FRA10AC1: variants seen among roughly 807,000 people sequenced by gnomAD.
FRA10AC1 encodes protein FRA10AC1.
Under a neutral mutation model 56.5 loss-of-function variants are expected in FRA10AC1, and 43 were observed. The observed-to-expected ratio is 0.76, with a 90% confidence interval of 0.60 to 0.98. FRA10AC1 has a LOEUF of 0.98. Ranked by LOEUF, FRA10AC1 falls within the 50% of genes least tolerant of loss-of-function variation. The pLI is 0.00. For missense variants in FRA10AC1, 346 were observed against 351.8 expected (o/e 0.98, Z 0.13); for synonymous variants, 112 against 110.5 (o/e 1.01, Z -0.09).
At chr10:93,687,585 A>G (rs887809900) in intron 7 of FRA10AC1, 136 bp from the exon 8 acceptor site, 58 of 829,478 alleles carry the variant, frequency 7.0e-5, no homozygotes, top group Non-Finnish European at 1.0e-4. Flanking sequence ...CTCTTCTTAT[A>G]GGATTTGAAG....
chr10:93,678,512 A>G (rs1286517063), intron 11 of FRA10AC1, among the ~76,000 whole-genome samples: 1 of 152,200 alleles, frequency 6.6e-6, no homozygotes, highest in Non-Finnish European at 1.5e-5. Context: ...GCTAAATGTA[A>G]GACTGAGAAG....
chr10:93,687,071 A>G (rs1481243121), intron 8 of FRA10AC1, among the ~76,000 whole-genome samples: 1 of 151,922 alleles, frequency 6.6e-6, no homozygotes, highest in Non-Finnish European at 1.5e-5. Flanking sequence ...TCATTATTCC[A>G]AAAATTAATA....
At chr10:93,687,328 G>A (rs1163217153) in intron 8 of FRA10AC1, 76 bp downstream of exon 8, 6 of 1,140,230 alleles carry the variant, frequency 5.3e-6, no homozygotes, top group Non-Finnish European at 6.1e-6. Flanking sequence ...TGTTAGGAAT[G>A]ATCTTAATGA....
At position 93,692,004 on chromosome 10, in the gene FRA10AC1, C is replaced by T. The variant is rs1432195801; in HGVS notation, c.465+5G>A. On this transcript the variant is annotated splice_donor_5th_base_variant and intron_variant, in intron 7 of 13. Transcript: ENST00000359204. ...CCTCTTTCCATAAATATGTGGAAAG[C>T]ATACCTTATTTTCTTTATATTTACT... The T allele has an allele frequency of 6.4e-7, 1 of 1,565,650 alleles. No individual in the cohort carries two copies. The highest frequency in any genetic ancestry group is 1.2e-5 in the South Asian group (1 of 83,352).
intron 7 of FRA10AC1, among the ~76,000 whole-genome samples, chr10:93,689,782 G>A (rs1310181866): frequency 6.6e-6 from 1 of 152,146 alleles, no homozygotes; most frequent in Admixed American, 6.6e-5. Flanking sequence ...TCAGGATTTG[G>A]TGCTGAGCCT....
intron 4 of FRA10AC1, among the ~76,000 whole-genome samples, chr10:93,696,241 T>A (rs2059232980): frequency 2.0e-5 from 3 of 152,168 alleles, no homozygotes; most frequent in Non-Finnish European, 2.9e-5. Flanking sequence ...GTCTCATGTA[T>A]CCTAGAATTG....
chr10:93,670,988 G>A (rs1179190313), intron 12 of FRA10AC1, 140 bp from the exon 13 acceptor site: 11 of 584,656 alleles, frequency 1.9e-5, no homozygotes, highest in Non-Finnish European at 3.0e-5. Context: ...ACTCTCACAG[G>A]TACAATAAAT....
chr10:93,689,523 G>C (rs1390032092), intron 7 of FRA10AC1, among the ~76,000 whole-genome samples: 1 of 152,072 alleles, frequency 6.6e-6, no homozygotes, highest in Non-Finnish European at 1.5e-5. Flanking sequence ...AAGTGTAACA[G>C]CAATAGTTTC....
At chr10:93,680,700 T>C (rs1373146306) in intron 11 of FRA10AC1, among the ~76,000 whole-genome samples, 1 of 152,238 alleles carries the variant, frequency 6.6e-6, no homozygotes. Flanking sequence ...TTACAGCCGA[T>C]TGACTCTACT....
At chr10:93,676,288 C>T (rs932694101) in intron 12 of FRA10AC1, among the ~76,000 whole-genome samples, 13 of 152,162 alleles carry the variant, frequency 8.5e-5, no homozygotes, top group South Asian at 2.1e-4. Flanking sequence ...AAATACTCAA[C>T]GAAATCCAAT....
intron 4 of FRA10AC1, 42 bp from the exon 5 acceptor site, chr10:93,694,979 G>C (rs961258247): frequency 1.9e-6 from 2 of 1,036,106 alleles, no homozygotes; most frequent in Non-Finnish European, 3.0e-6. Flanking sequence ...CTTAGGAGCT[G>C]TTTGGTGTCA....
In FRA10AC1 at chr10:93,692,703, A is replaced by G. The variant is rs575052590; in HGVS notation, c.323T>C (p.Val108Ala). 3.1e-5 allele frequency: 49 copies of G among 1,593,272 alleles called. 1 individual carries two copies. In the East Asian group the frequency reaches 1.1e-3, roughly 35 times the overall value. The change falls in exon 6 of 14, where the codon GTT becomes GCT. Residue 108 changes from valine to alanine, a missense_variant. Coordinates refer to ENST00000359204, the MANE Select transcript of FRA10AC1 (RefSeq NM_145246.5). ...TAGGAATCTATGATTTTCTCGTATA[A>G]CATCCAAGTCTGTCTTGTCATTTTC... ...LGENDKTDLD[V>A]IRENHRFLWN...
intron 9 of FRA10AC1, among the ~76,000 whole-genome samples, chr10:93,684,778 C>T (rs546455657): frequency 6.6e-6 from 1 of 152,228 alleles, no homozygotes; most frequent in South Asian, 2.1e-4. Context: ...CTGCTGTATT[C>T]TGGAGTATTT....
rs371027784 is a variant in FRA10AC1 at position 93,684,051 on chromosome 10, A to C, written c.668+5T>G. The C allele has an allele frequency of 7.6e-6, 12 of 1,585,252 alleles. No individual in the cohort carries two copies. The African/African-American group carries it at 1.6e-4, about 21-fold the overall frequency. ...CATTAAGAATGGCATTTTAAAAGAC[A>C]TTACCTGTGATGGAAATTTAATTTA... On this transcript the variant is annotated splice_donor_5th_base_variant and intron_variant, in intron 10 of 13. Coordinates refer to ENST00000359204, the MANE Select transcript of FRA10AC1 (RefSeq NM_145246.5).
At chr10:93,675,566 A>C (rs1055936026) in intron 12 of FRA10AC1, 8 of 230,132 alleles carry the variant, frequency 3.5e-5, no homozygotes, top group African/African-American at 1.4e-4. Context: ...TTAGCTGGGC[A>C]TAGTGATGGG....
chr10:93,676,624 T>C (rs773291723), intron 12 of FRA10AC1, 29 bp downstream of exon 12: 1 of 1,544,488 alleles, frequency 6.5e-7, no homozygotes, highest in Non-Finnish European at 8.7e-7. Context: ...CAAATGCATA[T>C]TTTTATTAAA....
intron 10 of FRA10AC1, among the ~76,000 whole-genome samples, chr10:93,681,968 T>G (rs72808871): frequency 2.6e-5 from 4 of 151,942 alleles, no homozygotes; most frequent in Admixed American, 6.6e-5. Context: ...TCCACCTACA[T>G]GTTAAAAAAA....
intron 11 of FRA10AC1, among the ~76,000 whole-genome samples, chr10:93,679,908 A>C (rs1406222451): frequency 1.3e-5 from 2 of 152,200 alleles, no homozygotes; most frequent in African/African-American, 2.4e-5. Flanking sequence ...ATTAAACATA[A>C]ATAATAAGGG....
chr10:93,683,214 CAAG>C (rs2058966355), intron 10 of FRA10AC1, among the ~76,000 whole-genome samples: 1 of 152,194 alleles, frequency 6.6e-6, no homozygotes, highest in South Asian at 2.1e-4. Context: ...GCAGTTTGCC[CAAG>C]AAGAAGCCTA....
Sources: gnomAD v4.1 joint callset for allele counts (sites outside exome capture counted in the v4.1 genomes callset) on GRCh38, gnomAD v4.1.1 for gene constraint, MANE v1.5 for transcripts, NCBI Gene and HGNC (gene_info 2026-07-23, HGNC 2026-07-21) for gene names.